The following SIL1 variants were observed in gnomAD, a reference collection of about 807,000 sequenced individuals.
SIL1 encodes nucleotide exchange factor SIL1.
SIL1 carries 40 observed loss-of-function variants against 49.1 expected under a neutral mutation model. The observed-to-expected ratio is 0.81, with a 90% CI of 0.63 to 1.06. SIL1 has a LOEUF of 1.06. Among genes scored for constraint, SIL1 ranks in the 50% least tolerant of loss-of-function variants. The pLI, the probability that SIL1 is intolerant of heterozygous loss-of-function variation, is 0.00. For missense variants in SIL1, 500 were observed against 572.6 expected (o/e 0.87, Z 1.29); for synonymous variants, 253 against 250.8 (o/e 1.01, Z -0.08).
intron 7 of SIL1, among the ~76,000 whole-genome samples, chr5:138,959,890 CA>C (rs1236615814): frequency 2.0e-5 from 3 of 152,222 alleles, no homozygotes; most frequent in African/African-American, 7.2e-5. Flanking sequence ...CTGCCTAGGT[CA>C]AATCCCTAAA....
intron 3 of SIL1, among the ~76,000 whole-genome samples, chr5:139,056,087 C>A (rs1173687650): frequency 3.3e-5 from 5 of 151,520 alleles, no homozygotes; most frequent in African/African-American, 1.2e-4. Context: ...TCTGCCCGGC[C>A]GCCACCCCGT....
At chr5:138,998,024 A>G (rs1767907723) in intron 7 of SIL1, among the ~76,000 whole-genome samples, 1 of 152,216 alleles carries the variant, frequency 6.6e-6, no homozygotes, top group African/African-American at 2.4e-5. Flanking sequence ...TAGGGATTGC[A>G]TTGAATCTGT....
chr5:139,071,894 T>G (rs1385126940), intron 3 of SIL1, among the ~76,000 whole-genome samples: 1 of 152,088 alleles, frequency 6.6e-6, no homozygotes, highest in Non-Finnish European at 1.5e-5. Context: ...CTTGAACTCC[T>G]GACCTCATGG....
intron 7 of SIL1, among the ~76,000 whole-genome samples, chr5:138,966,652 C>T (rs1021525038): frequency 3.9e-5 from 6 of 152,258 alleles, no homozygotes; most frequent in South Asian, 2.1e-4. Context: ...AGCCCCTCAT[C>T]GCCATGAGAG....
intron 1 of SIL1, among the ~76,000 whole-genome samples, chr5:139,164,274 C>T (rs1275262645): frequency 6.6e-6 from 1 of 152,122 alleles, no homozygotes; most frequent in African/African-American, 2.4e-5. Flanking sequence ...AGAGCCAGTG[C>T]ACCAGCTACT....
At chr5:139,158,220 A>G (rs1022664248) in intron 1 of SIL1, among the ~76,000 whole-genome samples, 2 of 152,212 alleles carry the variant, frequency 1.3e-5, no homozygotes, top group Non-Finnish European at 2.9e-5. Context: ...GATCTTAACT[A>G]CAATATCAAA....
intron 5 of SIL1, among the ~76,000 whole-genome samples, chr5:139,040,433 A>T (rs1189392786): frequency 6.8e-6 from 1 of 147,654 alleles, no homozygotes; most frequent in African/African-American, 2.6e-5. Flanking sequence ...TGGGTCTTGC[A>T]TTTGGGTGCT....
At chr5:138,952,768 C>A (rs980096619) in intron 7 of SIL1, among the ~76,000 whole-genome samples, 5 of 152,260 alleles carry the variant, frequency 3.3e-5, no homozygotes, top group African/African-American at 1.2e-4. Context: ...CAGGCCCAGA[C>A]CTCCCAGATG....
chr5:139,096,287 C>T (rs1178559093), intron 3 of SIL1, among the ~76,000 whole-genome samples: 1 of 152,176 alleles, frequency 6.6e-6, no homozygotes, highest in Non-Finnish European at 1.5e-5. Context: ...CAGTTTAAAC[C>T]TGAGTTCCCA....
chr5:139,129,476 T>G (rs1750818427), intron 1 of SIL1, among the ~76,000 whole-genome samples: 1 of 152,028 alleles, frequency 6.6e-6, no homozygotes, highest in South Asian at 2.1e-4. Flanking sequence ...ATCAAGATCA[T>G]CCTGGCTAAC....
At chr5:138,975,333 C>T (rs184625970) in intron 7 of SIL1, among the ~76,000 whole-genome samples, 1 of 152,174 alleles carries the variant, frequency 6.6e-6, no homozygotes, top group African/African-American at 2.4e-5. Context: ...TGTCCTCCCC[C>T]TGACACGCCA....
chr5:138,975,031 C>A (rs906261729), intron 7 of SIL1, among the ~76,000 whole-genome samples: 2 of 152,202 alleles, frequency 1.3e-5, no homozygotes, highest in Non-Finnish European at 2.9e-5. Flanking sequence ...TTGCCACACA[C>A]CTCTTACCTC....
At chr5:139,109,986 T>C (rs564191657) in intron 3 of SIL1, among the ~76,000 whole-genome samples, 17 of 152,030 alleles carry the variant, frequency 1.1e-4, no homozygotes, top group Non-Finnish European at 1.8e-4. Flanking sequence ...CTGGCCAGCA[T>C]GGTGAAACCC....
intron 1 of SIL1, among the ~76,000 whole-genome samples, chr5:139,188,722 C>A (rs1236084716): frequency 6.6e-6 from 1 of 152,180 alleles, no homozygotes; most frequent in African/African-American, 2.4e-5. Flanking sequence ...CCTTGATGAG[C>A]TAATTGCTTC....
chr5:139,081,374 C>T (rs1398872572), intron 3 of SIL1, among the ~76,000 whole-genome samples: 2 of 152,172 alleles, frequency 1.3e-5, no homozygotes, highest in Non-Finnish European at 2.9e-5. Flanking sequence ...CGTGCCTTAG[C>T]CTCCCAAGTA....
intron 1 of SIL1, among the ~76,000 whole-genome samples, chr5:139,142,356 T>C (rs906005386): frequency 1.3e-5 from 2 of 152,302 alleles, no homozygotes; most frequent in Middle Eastern, 6.8e-3. Flanking sequence ...TCCAGACCAA[T>C]ATCTCTTATA....
intron 3 of SIL1, among the ~76,000 whole-genome samples, chr5:139,088,176 C>G (rs1770265597): frequency 1.3e-5 from 2 of 152,230 alleles, no homozygotes; most frequent in South Asian, 4.1e-4. Flanking sequence ...GCTGTTCTGC[C>G]CACAATGATT....
chr5:138,976,779 C>T (rs998088841), intron 7 of SIL1, among the ~76,000 whole-genome samples: 5 of 151,870 alleles, frequency 3.3e-5, no homozygotes, highest in South Asian at 4.2e-4. Context: ...ATTACTTTAA[C>T]GTTTGAAAAG....
intron 3 of SIL1, among the ~76,000 whole-genome samples, chr5:139,084,793 A>T (rs1328024529): frequency 6.6e-6 from 1 of 150,894 alleles, no homozygotes. Flanking sequence ...ATAAAAATAA[A>T]AATAAATAAA....
Sources: gnomAD v4.1 joint callset for allele counts (sites outside exome capture counted in the v4.1 genomes callset) on GRCh38, gnomAD v4.1.1 for gene constraint, MANE v1.5 for transcripts, NCBI Gene and HGNC (gene_info 2026-07-23, HGNC 2026-07-21) for gene names.